The following DCDC2 variants were observed in gnomAD, a reference collection of about 807,000 sequenced individuals.
The protein encoded by DCDC2 is doublecortin domain-containing protein 2.
In DCDC2, 40 loss-of-function variants were observed where a neutral mutation model predicts 50.2. The ratio of observed to expected loss-of-function variants is 0.80; its 90% CI spans 0.62 to 1.04. The LOEUF (loss-of-function observed/expected upper bound fraction) is 1.04, where lower values mean the gene tolerates loss of function less well. Among genes scored for constraint, DCDC2 ranks in the 50% least tolerant of loss-of-function variants. DCDC2 has a pLI of 0.00. For synonymous variants in DCDC2, 234 were observed against 210.6 expected (o/e 1.11, Z -0.96); for missense variants, 570 against 581.9 (o/e 0.98, Z 0.21).
intron 2 of DCDC2, among the ~76,000 whole-genome samples, chr6:24,343,777 C>T (rs1342454147): frequency 6.6e-6 from 1 of 152,106 alleles, no homozygotes; most frequent in Non-Finnish European, 1.5e-5. Flanking sequence ...TTATTTTGGT[C>T]AGAATTTAAA....
chr6:24,254,792 G>A (rs1007817713), intron 7 of DCDC2, among the ~76,000 whole-genome samples: 1 of 150,818 alleles, frequency 6.6e-6, no homozygotes, highest in Non-Finnish European at 1.5e-5. Context: ...GAAATGCAAG[G>A]TTAGTTTGAT....
intron 7 of DCDC2, among the ~76,000 whole-genome samples, chr6:24,220,925 A>AGAGAGTGAGCGAGCGAGCGAGAGAGT (rs1762105886): frequency 6.6e-6 from 1 of 152,028 alleles, no homozygotes; most frequent in African/African-American, 2.4e-5. Context: ...CGAGCGAGCG[A>AGAGAGTGAGCGAGCGAGCGAGAGAGT]GAGCACATGC....
intron 7 of DCDC2, among the ~76,000 whole-genome samples, chr6:24,255,137 T>G (rs77227368): frequency 0.047 from 7,097 of 152,110 alleles, 175 homozygotes; most frequent in African/African-American, 0.063. Flanking sequence ...GGGAAAGGTA[T>G]AGAGAGAACA....
At chr6:24,191,884 C>A (rs367830577) in intron 8 of DCDC2, among the ~76,000 whole-genome samples, 1 of 152,258 alleles carries the variant, frequency 6.6e-6, no homozygotes, top group East Asian at 1.9e-4. Flanking sequence ...GGATGGATGA[C>A]AGCAGACCTG....
At chr6:24,219,286 T>C (rs1273047936) in intron 7 of DCDC2, among the ~76,000 whole-genome samples, 1 of 152,178 alleles carries the variant, frequency 6.6e-6, no homozygotes, top group Non-Finnish European at 1.5e-5. Flanking sequence ...GATTAATACT[T>C]AGAGGATATT....
upstream of DCDC2, among the ~76,000 whole-genome samples, chr6:24,362,956 T>C (rs1267834956): frequency 6.6e-6 from 1 of 152,072 alleles, no homozygotes; most frequent in Non-Finnish European, 1.5e-5. Context: ...CTGAGCAAAG[T>C]GAGAAGGCTT....
intron 8 of DCDC2, among the ~76,000 whole-genome samples, chr6:24,203,735 T>G (rs1483349429): frequency 1.3e-5 from 2 of 151,988 alleles, no homozygotes; most frequent in Non-Finnish European, 2.9e-5. Flanking sequence ...TTGCAATCTA[T>G]TCATCTGACA....
chr6:24,368,692 A>AG, the DCDC2 span, among the ~76,000 whole-genome samples: 1 of 151,682 alleles, frequency 6.6e-6, no homozygotes, highest in Non-Finnish European at 1.5e-5. Flanking sequence ...AGACAGAAAA[A>AG]AAAAAAATTG....
chr6:24,374,164 A>C, the DCDC2 span, among the ~76,000 whole-genome samples: 1 of 149,562 alleles, frequency 6.7e-6, no homozygotes, highest in Admixed American at 6.6e-5. Flanking sequence ...TCCATTTCAA[A>C]AAAAAAAAAA....
intron 2 of DCDC2, among the ~76,000 whole-genome samples, chr6:24,351,639 G>A (rs529624041): frequency 6.6e-6 from 1 of 152,268 alleles, no homozygotes; most frequent in Non-Finnish European, 1.5e-5. Context: ...TTCATTTGGA[G>A]ACAAGGGGTA....
rs1466969695 is a variant in DCDC2, at chr6:24,205,041, T to TTGGAC, written c.979_983dup (p.Glu329SerfsTer20). On this transcript the variant is annotated frameshift_variant, in exon 8 of 10. Coordinates refer to ENST00000378454, the MANE Select transcript of DCDC2 (RefSeq NM_016356.5). LOFTEE classifies it high-confidence loss of function. Reference sequence around the variant, plus strand: ...CCTCAACCTGAGTATCTTCATCTTCTTGGACTTCTGCTGCCCCCCGTGTTT... The same window carrying TTGGAC: ...CCTCAACCTGAGTATCTTCATCTTCTTGGACTGGACTTCTGCTGCCCCCCGTGTTT... 1 of 1,614,018 alleles carries TTGGAC rather than the reference T, an allele frequency of 6.2e-7. No individual in the cohort carries two copies. The highest frequency in any genetic ancestry group is 8.5e-7 in the Non-Finnish European group (1 of 1,179,998).
At position 24,358,048 on chromosome 6, in the gene DCDC2, T is replaced by A; in HGVS notation, c.-298A>T. ...TCACCTGCTACGGGCAGAATCAAGG[T>A]GGACAGCTTCTGAGCAGGAGCCGGA... On this transcript the variant is annotated 5_prime_UTR_variant, in exon 1 of 10. Transcript: ENST00000378454. 1 of 1,096,404 alleles carries A rather than the reference T, an allele frequency of 9.1e-7. No individual in the cohort carries two copies. Among genetic ancestry groups the A allele is most frequent in the Non-Finnish European group, 1.3e-6 (1 of 785,110 alleles). 67.9% of individuals were successfully genotyped at this position (1,096,404 alleles called of 1,614,324 possible). A position where few individuals can be genotyped will look rare whatever the true frequency, so the allele number is the denominator to read the frequency against.
rs183764883 is a variant in DCDC2 at position 24,257,535 on chromosome 6, A to C, written c.922+20514T>G. Among the ~76,000 whole-genome samples the C allele has an allele frequency of 3.6e-3, 553 of 152,328 alleles. 9 individuals are homozygous for C. The highest frequency in any genetic ancestry group is 1.2e-3 in the Non-Finnish European group (84 of 68,026). On this transcript the variant is annotated intron_variant, in intron 7 of 9. Transcript: ENST00000378454. ...GAAAAAGCTCAACTCTGGGAGTCTC[A>C]GAACAGATCTTATAGAAGAGATGAT...
rs375740238 is a variant in DCDC2, at chr6:24,217,333, G to A, written c.923-12231C>T. ...ATGGACTGGATATGTGTTTTCAAAA[G>A]TTATTGATCCCAATTATTACCGAGT... On this transcript the variant is annotated intron_variant, in intron 7 of 9. Transcript: ENST00000378454. Among the ~76,000 whole-genome samples the A allele has an allele frequency of 4.6e-5, 7 of 152,270 alleles. No homozygotes were observed. The East Asian group carries it at 1.3e-3, about 29-fold the overall frequency.
intron 7 of DCDC2, among the ~76,000 whole-genome samples, chr6:24,235,500 A>T (rs191195551): frequency 1.4e-4 from 21 of 152,348 alleles, no homozygotes; most frequent in African/African-American, 4.8e-4. Flanking sequence ...AACATACACA[A>T]ATCAATAAAT....
intron 8 of DCDC2, among the ~76,000 whole-genome samples, chr6:24,196,275 T>C (rs1185607423): frequency 9.9e-5 from 15 of 152,122 alleles, no homozygotes. Context: ...TGCCTTTAAG[T>C]TGGATAGACA....
chr6:24,232,469 G>A (rs793836), intron 7 of DCDC2, among the ~76,000 whole-genome samples: 70,449 of 152,038 alleles, frequency 0.46, 19,848 homozygotes, highest in Non-Finnish European at 0.6. Flanking sequence ...TAAAGTGTAA[G>A]CCAGGAGGCC....
chr6:24,192,080 A>G (rs1761325689), intron 8 of DCDC2, among the ~76,000 whole-genome samples: 1 of 152,182 alleles, frequency 6.6e-6, no homozygotes, highest in Non-Finnish European at 1.5e-5. Flanking sequence ...ATCCCCTGAG[A>G]TCACCTCCCT....
chr6:24,309,891 A>G (rs1006494345), intron 2 of DCDC2, among the ~76,000 whole-genome samples: 6 of 152,192 alleles, frequency 3.9e-5, no homozygotes, highest in African/African-American at 1.4e-4. Flanking sequence ...GCAGTTTGGC[A>G]GGCTGAAATG....
Sources: gnomAD v4.1 joint callset for allele counts (sites outside exome capture counted in the v4.1 genomes callset) on GRCh38, gnomAD v4.1.1 for gene constraint, MANE v1.5 for transcripts, NCBI Gene and HGNC (gene_info 2026-07-23, HGNC 2026-07-21) for gene names.